EVL: variants seen among roughly 807,000 people sequenced by gnomAD.
The protein encoded by EVL is ena/VASP-like protein.
In EVL, 21 loss-of-function variants were observed where a neutral mutation model predicts 59.6. The ratio of observed to expected loss-of-function variants is 0.35; its 90% CI spans 0.25 to 0.51. EVL has a LOEUF of 0.51. Ranked by LOEUF, EVL falls within the 20% of genes least tolerant of loss-of-function variation. EVL has a pLI of 0.97. For synonymous variants in EVL, 198 were observed against 203.5 expected (o/e 0.97, Z 0.23); for missense variants, 462 against 546.6 (o/e 0.85, Z 1.54).
At chr14:100,027,146 G>A (rs1302960984) in intron 1 of EVL, among the ~76,000 whole-genome samples, 1 of 152,074 alleles carries the variant, frequency 6.6e-6, no homozygotes, top group Non-Finnish European at 1.5e-5. Context: ...TATTTATGGG[G>A]TACATGTGAT....
chr14:99,998,336 T>G (rs994296193), intron 1 of EVL, among the ~76,000 whole-genome samples: 3 of 152,154 alleles, frequency 2.0e-5, no homozygotes, highest in African/African-American at 7.2e-5. Context: ...ATTTATTATA[T>G]GCATAGTGGT....
intron 3 of EVL, among the ~76,000 whole-genome samples, chr14:100,113,530 G>T (rs1444244852): frequency 6.6e-6 from 1 of 152,160 alleles, no homozygotes; most frequent in Non-Finnish European, 1.5e-5. Flanking sequence ...AGGGTCAAAG[G>T]CCCACTAGAA....
At chr14:100,079,919 G>A (rs2062256731) in intron 1 of EVL, among the ~76,000 whole-genome samples, 1 of 152,114 alleles carries the variant, frequency 6.6e-6, no homozygotes, top group South Asian at 2.1e-4. Context: ...CTGAGTAGCT[G>A]GGACTACAGG....
intron 13 of EVL, among the ~76,000 whole-genome samples, chr14:100,142,795 C>T (rs576190114): frequency 2.0e-4 from 31 of 152,352 alleles, no homozygotes; most frequent in African/African-American, 7.5e-4. Context: ...TAGGCAGGCA[C>T]TCAGCCAACT....
chr14:100,086,892 T>C (rs2062455649), intron 2 of EVL, among the ~76,000 whole-genome samples: 1 of 152,190 alleles, frequency 6.6e-6, no homozygotes, highest in African/African-American at 2.4e-5. Flanking sequence ...GAAAAGAGAT[T>C]CTTGGTAAAC....
In EVL at chr14:100,141,791, A is replaced by G; in HGVS notation, c.1217A>G (p.Asp406Gly). The change falls in exon 13 of 14, where the codon GAC becomes GGC. Residue 406 changes from aspartate to glycine, a missense_variant and splice_region_variant. By Grantham distance (94) the Asp-to-Gly change is moderately conservative. Transcript: ENST00000392920. ...ELHKVKEEII[D>G]AIRQELSGIS... ...CACAAGGTGAAGGAGGAGATCATCG[A>G]CGGTGAGTGCAGCCCCACCGGGGAG... The G allele has an allele frequency of 6.2e-7, 1 of 1,613,098 alleles. No homozygotes were observed. Among genetic ancestry groups the G allele is most frequent in the Non-Finnish European group, 8.5e-7 (1 of 1,179,884 alleles).
chr14:100,043,275 A>ATG (rs1175983248), intron 1 of EVL, among the ~76,000 whole-genome samples: 4 of 148,772 alleles, frequency 2.7e-5, no homozygotes, highest in Non-Finnish European at 6.0e-5. Flanking sequence ...GTATATATAT[A>ATG]TGTGTGTGTG....
intron 8 of EVL, among the ~76,000 whole-genome samples, chr14:100,133,823 G>GCTACT (rs201313848): frequency 0.083 from 12,587 of 152,222 alleles, 864 homozygotes; most frequent in East Asian, 0.38. Context: ...TGTAATCCCA[G>GCTACT]CTACTCGGGA....
At chr14:100,058,347 TGTGA>T (rs1310544173) in intron 1 of EVL, among the ~76,000 whole-genome samples, 2 of 152,248 alleles carry the variant, frequency 1.3e-5, no homozygotes, top group Non-Finnish European at 2.9e-5. Flanking sequence ...CAGTATCCTG[TGTGA>T]GTGTTGATGC....
At chr14:100,059,071 C>A (rs2061779438) in intron 1 of EVL, among the ~76,000 whole-genome samples, 2 of 152,194 alleles carry the variant, frequency 1.3e-5, no homozygotes, top group African/African-American at 4.8e-5. Flanking sequence ...GTTTAATAAT[C>A]ATATTTGACT....
At chr14:100,013,732 G>T (rs74365864) in intron 1 of EVL, among the ~76,000 whole-genome samples, 3 of 152,196 alleles carry the variant, frequency 2.0e-5, no homozygotes, top group Admixed American at 2.0e-4. Flanking sequence ...GTTAGGGTGC[G>T]GAGTCAGTGC....
At position 100,126,240 on chromosome 14, in the gene EVL, G is replaced by A. The variant is rs147240867; in HGVS notation, c.423-467G>A. 2.9e-3 allele frequency among the ~76,000 whole-genome samples: 439 copies of A among 152,334 alleles called. 2 individuals carry two copies. Among genetic ancestry groups the A allele is most frequent in the African/African-American group, 0.01 (425 of 41,578 alleles). On this transcript the variant is annotated intron_variant, in intron 4 of 13. Transcript: ENST00000392920. ...TCTAGACGAAGGCGGGCCTATGACCGCTCAGTGGTAAAGAAAATGAGGAGT... is the reference window on the plus strand; with the variant it reads ...TCTAGACGAAGGCGGGCCTATGACCACTCAGTGGTAAAGAAAATGAGGAGT...
chr14:99,991,813 T>G (rs1023188963), intron 1 of EVL, among the ~76,000 whole-genome samples: 3 of 152,164 alleles, frequency 2.0e-5, no homozygotes, highest in African/African-American at 7.2e-5. Flanking sequence ...GTTAATTGAC[T>G]GTTTATGTTA....
chr14:100,076,962 C>G (rs2062175946), intron 1 of EVL, among the ~76,000 whole-genome samples: 1 of 152,072 alleles, frequency 6.6e-6, no homozygotes, highest in Non-Finnish European at 1.5e-5. Context: ...CCAGACAACC[C>G]TATAAAGAAG....
At position 100,077,933 on chromosome 14, in the gene EVL, C is replaced by T. The variant is rs924560027; in HGVS notation, c.12-6754C>T. ...GACTACAAGCACCCGCCACCATGCC[C>T]GGCTAATTTTTTTTTGTATTTTTAG... On this transcript the variant is annotated intron_variant, in intron 1 of 13. Transcript: ENST00000392920. Among the ~76,000 whole-genome samples the T allele has an allele frequency of 5.5e-5, 8 of 145,320 alleles. No individual in the cohort carries two copies. In the South Asian group the frequency reaches 1.0e-3, roughly 19 times the overall value.
chr14:100,117,375 C>T (rs575393733), intron 3 of EVL, among the ~76,000 whole-genome samples: 16 of 152,310 alleles, frequency 1.1e-4, no homozygotes, highest in Middle Eastern at 6.8e-3. Context: ...CAGGGGGCTC[C>T]GAGCCGCAGC....
chr14:100,034,701 G>C (rs2061363210), intron 1 of EVL, among the ~76,000 whole-genome samples: 1 of 152,030 alleles, frequency 6.6e-6, no homozygotes, highest in African/African-American at 2.4e-5. Flanking sequence ...GCATGCCATT[G>C]CATTCCAGCC....
rs147493743 is a variant in EVL, at chr14:100,020,703, C to T, written c.5+48646C>T. 1.6e-3 allele frequency among the ~76,000 whole-genome samples: 246 copies of T among 152,302 alleles called. 1 individual carries two copies. The highest frequency in any genetic ancestry group is 5.7e-3 in the African/African-American group (235 of 41,562). On this transcript the variant is annotated intron_variant, in intron 1 of 13. Coordinates refer to the EVL transcript ENST00000402714. The stretch of plus-strand genomic sequence containing the variant: ...CTTTCATTCTTCTAAGAGAAAACTA[C>T]AGACCTGTTAGCCAGTCAAGGGAGT...
Position 99,987,749 on chromosome 14 carries a change from T to A in EVL, c.5+15692T>A, listed in dbSNP as rs1280512964. 3.9e-5 allele frequency among the ~76,000 whole-genome samples: 6 copies of A among 152,096 alleles called. No individual in the cohort carries two copies. The East Asian group carries it at 1.2e-3, about 29-fold the overall frequency. On this transcript the variant is annotated intron_variant, in intron 1 of 13. Transcript: ENST00000402714. ...AGAAGGCTCTATGAGGAAAAGGCCT[T>A]CATCAGATAGGTAATTTGCCAGTGC...
Sources: allele counts gnomAD v4.1 joint callset (sites outside exome capture counted in the v4.1 genomes callset), GRCh38; gene constraint gnomAD v4.1.1; transcripts MANE v1.5; gene names NCBI Gene and HGNC (gene_info 2026-07-23, HGNC 2026-07-21).